Variants in COQ5 observed in about 807,000 individuals in gnomAD.
The protein encoded by COQ5 is coenzyme Q5, methyltransferase, also known as 2-methoxy-6-polyprenyl-1,4-benzoquinol methylase, mitochondrial.
Under a neutral mutation model 40.5 loss-of-function variants are expected in COQ5, and 27 were observed. The observed-to-expected ratio is 0.67, with a 90% CI of 0.49 to 0.92. COQ5 has a LOEUF of 0.92. COQ5 is among the 40% of genes least tolerant of loss of function. The pLI, the probability that COQ5 is intolerant of heterozygous loss-of-function variation, is 0.00. For synonymous variants in COQ5, 141 were observed against 150.0 expected, an observed-to-expected ratio of 0.94 and a Z score of 0.44; for missense variants, 409 against 406.4, an observed-to-expected ratio of 1.01 and a Z score of -0.06.
rs557173726 is a variant in COQ5 at position 120,504,839 on chromosome 12, C to T, written c.770+56G>A. On this transcript the variant is annotated intron_variant, in intron 5 of 6. Coordinates refer to ENST00000288532, the MANE Select transcript of COQ5 (RefSeq NM_032314.4). Reference sequence around the variant, plus strand: ...CTTACTGGCTATTTTCAATCCATTTCGGGGTGGGAAACCTTGGCTATACAA... The same window carrying T: ...CTTACTGGCTATTTTCAATCCATTTTGGGGTGGGAAACCTTGGCTATACAA... 140 of 1,425,478 alleles carry T rather than the reference C, an allele frequency of 9.8e-5. 1 individual carries two copies. Among genetic ancestry groups the T allele is most frequent in the Non-Finnish European group, 1.1e-4 (115 of 1,008,886 alleles). 88.3% of individuals were successfully genotyped at this position (1,425,478 alleles called of 1,614,324 possible). A position where few individuals can be genotyped will look rare whatever the true frequency, so the allele number is the denominator to read the frequency against.
At chr12:120,522,418 A>G in intron 1 of COQ5, 55 bp from the exon 2 acceptor site, 1 of 1,580,022 alleles carries the variant, frequency 6.3e-7, no homozygotes, top group Admixed American at 1.7e-5. Context: ...CCTTAGAAAA[A>G]TCCTAAACAA....
At chr12:120,517,656 TG>T (rs1490373431) in intron 2 of COQ5, among the ~76,000 whole-genome samples, 1 of 150,236 alleles carries the variant, frequency 6.7e-6, no homozygotes, top group African/African-American at 2.4e-5. Flanking sequence ...CACTCCAGCC[TG>T]GGCGACAGAG....
rs777679148 is a variant in COQ5 at position 120,528,931 on chromosome 12, C to T, written c.202+9G>A. 3.1e-6 allele frequency: 5 copies of T among 1,613,774 alleles called. No individual in the cohort carries two copies. Among genetic ancestry groups the T allele is most frequent in the Non-Finnish European group, 4.2e-6 (5 of 1,179,646 alleles). ...AGATCCCTCCCATCCGCCCTCTCGCCCCTTTCACCTTTGCCCCCCTTCTCC... is the reference window on the plus strand; with the variant it reads ...AGATCCCTCCCATCCGCCCTCTCGCTCCTTTCACCTTTGCCCCCCTTCTCC... On this transcript the variant is annotated intron_variant, in intron 1 of 6. Transcript: ENST00000288532.
chr12:120,523,001 GA>G, intron 1 of COQ5: 1 of 543,928 alleles, frequency 1.8e-6, no homozygotes, highest in Admixed American at 2.6e-5. Context: ...TGTTCCTCAG[GA>G]ACTTGGGGTC....
chr12:120,515,473 T>G (rs1423622273), intron 3 of COQ5, among the ~76,000 whole-genome samples: 1 of 152,260 alleles, frequency 6.6e-6, no homozygotes, highest in African/African-American at 2.4e-5. Context: ...GTCATCTGCC[T>G]ATCTGCTGTT....
intron 1 of COQ5, among the ~76,000 whole-genome samples, chr12:120,526,052 G>A (rs772307615): frequency 9.8e-5 from 15 of 152,320 alleles, no homozygotes; most frequent in South Asian, 4.1e-4. Context: ...CACAATTCAA[G>A]TACAATGGTA....
chr12:120,515,453 T>C lies in COQ5; in HGVS notation c.574+1114A>G, dbSNP rs112999669. 9.4e-4 allele frequency among the ~76,000 whole-genome samples: 143 copies of C among 152,350 alleles called. 1 individual carries two copies. The highest frequency in any genetic ancestry group is 3.1e-3 in the African/African-American group (129 of 41,588). ...TGAGCTTGCAGTAATCTCACAGAGA[T>C]AGGCATGCAGTCATCTGCCTATCTG... On this transcript the variant is annotated intron_variant, in intron 3 of 6. Coordinates refer to ENST00000288532, the MANE Select transcript of COQ5 (RefSeq NM_032314.4).
intron 4 of COQ5, among the ~76,000 whole-genome samples, chr12:120,508,463 T>A (rs1371341519): frequency 6.6e-6 from 1 of 151,986 alleles, no homozygotes; most frequent in Non-Finnish European, 1.5e-5. Context: ...TTGTCTAAGG[T>A]TAGTCAGTAA....
At position 120,510,078 on chromosome 12, in the gene COQ5, T is replaced by C. The variant is rs765497786; in HGVS notation, c.620A>G (p.Asp207Gly). ...LGDAEELPFDDDKFDIYTIAF... is the reference protein window; with the variant it reads ...LGDAEELPFDGDKFDIYTIAF... Reference sequence around the variant, plus strand: ...AATGGTGTAAATATCAAACTTGTCATCATCAAAGGGCAGTTCTTCAGCATC... The same window carrying C: ...AATGGTGTAAATATCAAACTTGTCACCATCAAAGGGCAGTTCTTCAGCATC... Residue 207 changes from aspartate to glycine, a missense_variant, in exon 4 of 7, where the codon GAT (aspartate) becomes GGT (glycine). Asp to Gly is a moderately conservative substitution (Grantham distance 94). Coordinates refer to ENST00000288532, the MANE Select transcript of COQ5 (RefSeq NM_032314.4). 6.2e-7 allele frequency: 1 copy of C among 1,614,100 alleles called. No homozygotes were observed. The highest frequency in any genetic ancestry group is 8.5e-7 in the Non-Finnish European group (1 of 1,180,006).
Position 120,529,143 on chromosome 12 carries a change from T to A in COQ5, c.-2A>T. ...AGCACAGCTCCCGGGGGCCGCCATC[T>A]TGGTAGTCGAGTGACAACGGCCAGA... On this transcript the variant is annotated 5_prime_UTR_variant, in exon 1 of 7. In the 5' UTR this introduces an upstream ATG that the reference lacks. Transcript: ENST00000288532. 6.2e-7 allele frequency: 1 copy of A among 1,612,496 alleles called. No individual in the cohort carries two copies. The highest frequency in any genetic ancestry group is 8.5e-7 in the Non-Finnish European group (1 of 1,179,260).
chr12:120,518,078 A>T (rs928280196), intron 2 of COQ5, among the ~76,000 whole-genome samples: 1 of 152,052 alleles, frequency 6.6e-6, no homozygotes, highest in Non-Finnish European at 1.5e-5. Context: ...AAGTGCTGGG[A>T]TTACAGGCAT....
At chr12:120,527,769 T>C (rs1593028214) in intron 1 of COQ5, among the ~76,000 whole-genome samples, 1 of 150,556 alleles carries the variant, frequency 6.6e-6, no homozygotes, top group Non-Finnish European at 1.5e-5. Context: ...GATCACGAGG[T>C]CAGGAGATCC....
chr12:120,513,538 CTT>C (rs756768156), intron 3 of COQ5, among the ~76,000 whole-genome samples: 7 of 139,610 alleles, frequency 5.0e-5, no homozygotes, highest in Non-Finnish European at 7.9e-5. Context: ...TACACATTAA[CTT>C]TTTTTTTTTT....
At chr12:120,524,813 C>A (rs1869862523) in intron 1 of COQ5, among the ~76,000 whole-genome samples, 1 of 146,452 alleles carries the variant, frequency 6.8e-6, no homozygotes, top group Non-Finnish European at 1.5e-5. Context: ...GCGCTCTTTC[C>A]TTTTTTTTTT....
rs558032812 is a variant in COQ5 at position 120,507,199 on chromosome 12, G to A, written c.682-2216C>T. 2.0e-5 allele frequency among the ~76,000 whole-genome samples: 3 copies of A among 152,202 alleles called. No homozygotes were observed. In the East Asian group the frequency reaches 5.8e-4, roughly 29 times the overall value. The stretch of plus-strand genomic sequence containing the variant: ...TTCAAACAGTTGTCAAAAGACAAGT[G>A]TTTGAATAGCACAAGATTAGAAGCA... On this transcript the variant is annotated intron_variant, in intron 4 of 6. Coordinates refer to ENST00000288532, the MANE Select transcript of COQ5 (RefSeq NM_032314.4).
intron 4 of COQ5, among the ~76,000 whole-genome samples, chr12:120,509,023 CAAAAAAA>C (rs55804213): frequency 8.3e-6 from 1 of 120,020 alleles, no homozygotes; most frequent in African/African-American, 3.1e-5. Context: ...GACTCTGTCT[CAAAAAAA>C]AAAAAAAAAA....
In COQ5 at chr12:120,521,679, CAA is replaced by C. The variant is rs71076625; in HGVS notation, c.352+533_352+534del. 2.2e-3 allele frequency among the ~76,000 whole-genome samples: 249 copies of C among 114,094 alleles called. 1 individual carries two copies. Among genetic ancestry groups the C allele is most frequent in the Middle Eastern group, 4.5e-3 (1 of 220 alleles). The allele number at this position is 114,094 out of a possible 152,430, so 74.9% of individuals were successfully genotyped here. On this transcript the variant is annotated intron_variant, in intron 2 of 6. Transcript: ENST00000288532. ...GGGAGACAGAGCAAGACTCCATCTC[CAA>C]AAAAAAAAAAAAAAAGGAAATGTGA... is the stretch of plus-strand genomic sequence containing the variant.
intron 4 of COQ5, among the ~76,000 whole-genome samples, chr12:120,506,741 C>G (rs1565928819): frequency 6.6e-6 from 1 of 152,194 alleles, no homozygotes; most frequent in Admixed American, 6.6e-5. Flanking sequence ...ATAATACACT[C>G]TTTGTTCTTT....
chr12:120,522,218 GCCTCCAGCAA>G lies in COQ5; in HGVS notation c.338_347del (p.Val113AlafsTer25). On this transcript the variant is annotated frameshift_variant, in exon 2 of 7. Transcript: ENST00000288532. LOFTEE classifies it high-confidence loss of function. The stretch of plus-strand genomic sequence containing the variant: ...GGATACCAAACTCGACATTACCTGT[GCCTCCAGCAA>G]CATCAAGCAGCTGGGTCCCAGGAAG... The G allele has an allele frequency of 6.2e-7, 1 of 1,614,130 alleles. No individual in the cohort carries two copies. The highest frequency in any genetic ancestry group is 8.5e-7 in the Non-Finnish European group (1 of 1,180,036).
Sources: allele counts gnomAD v4.1 joint callset (sites outside exome capture counted in the v4.1 genomes callset), GRCh38; gene constraint gnomAD v4.1.1; transcripts MANE v1.5; gene names NCBI Gene and HGNC (gene_info 2026-07-23, HGNC 2026-07-21).